Variants in CDH8 observed in about 807,000 individuals in gnomAD.
CDH8 encodes cadherin-8.
Under a neutral mutation model 68.1 loss-of-function variants are expected in CDH8, and 17 were observed. The ratio of observed to expected loss-of-function variants is 0.25; its 90% confidence interval spans 0.17 to 0.37. The LOEUF is 0.37. Ranked by LOEUF, CDH8 falls within the 10% of genes least tolerant of loss-of-function variation. The pLI is 1.00. For synonymous variants in CDH8, 372 were observed against 365.1 expected (o/e 1.02, Z -0.21); for missense variants, 763 against 999.3 (o/e 0.76, Z 3.19).
intron 9 of CDH8, among the ~76,000 whole-genome samples, chr16:61,722,370 C>T (rs542622408): frequency 4.6e-5 from 7 of 150,710 alleles, no homozygotes; most frequent in African/African-American, 1.7e-4. Context: ...TGTCTAGTTG[C>T]TTGAATATTT....
chr16:61,993,759 A>G (rs911349034), intron 2 of CDH8, among the ~76,000 whole-genome samples: 16 of 152,086 alleles, frequency 1.1e-4, no homozygotes, highest in African/African-American at 3.6e-4. Context: ...GAAATATTTT[A>G]TGCACACGTA....
chr16:61,938,906 A>G (rs1964668113), intron 2 of CDH8, among the ~76,000 whole-genome samples: 1 of 152,150 alleles, frequency 6.6e-6, no homozygotes, highest in Non-Finnish European at 1.5e-5. Context: ...TATATGTAAA[A>G]TGTTCAGCAC....
chr16:61,899,461 T>C (rs746230616), intron 3 of CDH8, among the ~76,000 whole-genome samples: 2 of 150,752 alleles, frequency 1.3e-5, no homozygotes, highest in Non-Finnish European at 2.9e-5. Flanking sequence ...GGGGTGACCA[T>C]GAAAGACAAT....
chr16:61,990,490 A>G (rs1965696772), intron 2 of CDH8, among the ~76,000 whole-genome samples: 1 of 151,568 alleles, frequency 6.6e-6, no homozygotes, highest in Non-Finnish European at 1.5e-5. Flanking sequence ...CTTAATGTTC[A>G]TATAAAGCAG....
intron 4 of CDH8, among the ~76,000 whole-genome samples, chr16:61,829,060 A>C (rs982068221): frequency 6.6e-5 from 10 of 151,948 alleles, no homozygotes; most frequent in African/African-American, 2.2e-4. Context: ...GGTGGCCTTA[A>C]TAGATTGCCC....
At chr16:62,034,748 G>C (rs1902412027) in intron 1 of CDH8, among the ~76,000 whole-genome samples, 1 of 152,122 alleles carries the variant, frequency 6.6e-6, no homozygotes, top group African/African-American at 2.4e-5. Flanking sequence ...TGGTAAAGTT[G>C]AAAGGACCTT....
intron 8 of CDH8, among the ~76,000 whole-genome samples, chr16:61,736,521 A>G (rs1286458871): frequency 2.0e-5 from 3 of 152,226 alleles, no homozygotes; most frequent in Admixed American, 1.3e-4. Flanking sequence ...TCAGAAATCT[A>G]CTGGGTATTT....
chr16:61,829,271 G>GGTCTAGGA (rs1409602465), intron 4 of CDH8, among the ~76,000 whole-genome samples: 1 of 151,726 alleles, frequency 6.6e-6, no homozygotes, highest in Non-Finnish European at 1.5e-5. Context: ...TGTTCCTTAA[G>GGTCTAGGA]GTCTAGGAGT....
At chr16:61,985,410 A>G (rs1965609227) in intron 2 of CDH8, among the ~76,000 whole-genome samples, 1 of 152,232 alleles carries the variant, frequency 6.6e-6, no homozygotes, top group African/African-American at 2.4e-5. Flanking sequence ...CAGCACATAT[A>G]TAGAGCATTT....
At chr16:61,816,463 T>C (rs1457697833) in intron 7 of CDH8, among the ~76,000 whole-genome samples, 1 of 152,220 alleles carries the variant, frequency 6.6e-6, no homozygotes, top group Non-Finnish European at 1.5e-5. Context: ...TATTTGTGAC[T>C]TGTAAATTGA....
intron 8 of CDH8, among the ~76,000 whole-genome samples, chr16:61,781,957 C>T (rs927015161): frequency 2.6e-5 from 4 of 152,132 alleles, no homozygotes; most frequent in Non-Finnish European, 4.4e-5. Flanking sequence ...GCAGGGGAAA[C>T]AGCAAAGTTT....
At chr16:61,842,054 A>ATT (rs543607290) in intron 4 of CDH8, among the ~76,000 whole-genome samples, 31,107 of 132,016 alleles carry the variant, frequency 0.24, 3,738 homozygotes, top group African/African-American at 0.32. Flanking sequence ...CGCCCGGCTA[A>ATT]TTTTTTTTTT....
intron 6 of CDH8, 59 bp downstream of exon 6, chr16:61,820,867 T>C (rs541365056): frequency 6.7e-7 from 1 of 1,483,104 alleles, no homozygotes; most frequent in African/African-American, 1.4e-5. Context: ...GTCCCTCAAC[T>C]TTAAAACTCA....
At chr16:61,740,106 T>G (rs1959823778) in intron 8 of CDH8, among the ~76,000 whole-genome samples, 1 of 151,314 alleles carries the variant, frequency 6.6e-6, no homozygotes, top group Non-Finnish European at 1.5e-5. Flanking sequence ...TGGGGTTTCA[T>G]CATGTTGGCC....
chr16:61,827,374 T>G (rs1853871342), intron 4 of CDH8, among the ~76,000 whole-genome samples: 2 of 151,824 alleles, frequency 1.3e-5, no homozygotes, highest in Admixed American at 1.3e-4. Flanking sequence ...AGGCAGCAAT[T>G]TTTTTCAAGA....
rs1001831371 is a variant in CDH8 at position 61,652,309 on chromosome 16, T to A, written c.*1299A>T. ...CGTAAACAGTGAAATTATGTACAAATCAGTTCCTGCTCTAAAACTGTGGGG... is the reference window on the plus strand; with the variant it reads ...CGTAAACAGTGAAATTATGTACAAAACAGTTCCTGCTCTAAAACTGTGGGG... On this transcript the variant is annotated 3_prime_UTR_variant, in exon 12 of 12. Coordinates refer to ENST00000577390, the MANE Select transcript of CDH8 (RefSeq NM_001796.5). The A allele has an allele frequency of 5.1e-6, 5 of 985,130 alleles. No individual in the cohort carries two copies. In the African/African-American group the frequency reaches 8.7e-5, roughly 17 times the overall value. 61.0% of individuals were successfully genotyped at this position (985,130 alleles called of 1,614,324 possible).
chr16:61,913,476 T>C (rs1964190995), intron 2 of CDH8, among the ~76,000 whole-genome samples: 1 of 152,158 alleles, frequency 6.6e-6, no homozygotes, highest in African/African-American at 2.4e-5. Context: ...CCTTGGAGAC[T>C]CCTGGAACCA....
intron 2 of CDH8, among the ~76,000 whole-genome samples, chr16:61,919,789 C>CGAACAAAGAACAAAGAAACAAAA (rs1964327094): frequency 6.6e-6 from 1 of 151,972 alleles, no homozygotes; most frequent in African/African-American, 2.4e-5. Context: ...GGCAGGCCAA[C>CGAACAAAGAACAAAGAAACAAAA]GAACAAAGAA....
At chr16:61,898,388 A>G (rs1027712063) in intron 3 of CDH8, among the ~76,000 whole-genome samples, 2 of 152,184 alleles carry the variant, frequency 1.3e-5, no homozygotes, top group Non-Finnish European at 2.9e-5. Flanking sequence ...TCTTGGCAGA[A>G]GAAATATATG....
Sources: allele counts gnomAD v4.1 joint callset (sites outside exome capture counted in the v4.1 genomes callset), GRCh38; gene constraint gnomAD v4.1.1; transcripts MANE v1.5; gene names NCBI Gene and HGNC (gene_info 2026-07-23, HGNC 2026-07-21).